Variants in CTDSPL2 observed in about 807,000 individuals in gnomAD.
CTDSPL2 encodes CTD small phosphatase like 2.
In CTDSPL2, 5 loss-of-function variants were observed where a neutral mutation model predicts 60.0. The ratio of observed to expected loss-of-function variants is 0.08; its 90% CI spans 0.04 to 0.18. The LOEUF is 0.18. CTDSPL2 is among the 10% of genes least tolerant of loss of function. CTDSPL2 has a pLI of 1.00. For synonymous variants in CTDSPL2, 186 were observed against 189.3 expected (o/e 0.98, Z 0.14); for missense variants, 370 against 548.8 (o/e 0.67, Z 3.26).
intron 7 of CTDSPL2, among the ~76,000 whole-genome samples, chr15:44,498,344 T>G (rs959153457): frequency 2.0e-5 from 3 of 151,794 alleles, no homozygotes; most frequent in Non-Finnish European, 4.4e-5. Flanking sequence ...CAGTGGCTCA[T>G]GCCTGTAATT....
chr15:44,502,695 A>G (rs2081399681), intron 8 of CTDSPL2, among the ~76,000 whole-genome samples: 1 of 152,256 alleles, frequency 6.6e-6, no homozygotes, highest in South Asian at 2.1e-4. Context: ...GAGTATATAC[A>G]GTAAATTTAC....
At chr15:44,451,711 A>T (rs971455099) in intron 1 of CTDSPL2, among the ~76,000 whole-genome samples, 1 of 152,190 alleles carries the variant, frequency 6.6e-6, no homozygotes, top group African/African-American at 2.4e-5. Flanking sequence ...TTCTCCCGTC[A>T]AAAGTTGTTG....
At chr15:44,472,708 C>G (rs184651384) in intron 2 of CTDSPL2, among the ~76,000 whole-genome samples, 1 of 152,064 alleles carries the variant, frequency 6.6e-6, no homozygotes, top group Non-Finnish European at 1.5e-5. Flanking sequence ...CTTTGTCACC[C>G]GCTGGAGTGC....
At chr15:44,516,577 A>AT (rs1191234404) in intron 10 of CTDSPL2, 1 of 152,176 alleles carries the variant, frequency 6.6e-6, no homozygotes, top group African/African-American at 2.4e-5. Flanking sequence ...ATACCCAGTG[A>AT]TTTTGTTTTG....
intron 1 of CTDSPL2, among the ~76,000 whole-genome samples, chr15:44,445,966 C>T (rs965914137): frequency 1.9e-4 from 28 of 144,670 alleles, no homozygotes; most frequent in Admixed American, 1.3e-3. Context: ...CGCTTTGTCA[C>T]CCAGACTGGA....
At chr15:44,455,943 G>C (rs2140682967) in intron 1 of CTDSPL2, among the ~76,000 whole-genome samples, 1 of 146,550 alleles carries the variant, frequency 6.8e-6, no homozygotes, top group Non-Finnish European at 1.5e-5. Context: ...TCCGCCCCCT[G>C]GGGTTCACGC....
chr15:44,507,015 C>T (rs1018750782), intron 8 of CTDSPL2, among the ~76,000 whole-genome samples: 2 of 149,606 alleles, frequency 1.3e-5, no homozygotes, highest in African/African-American at 4.9e-5. Flanking sequence ...GATCCGCCCA[C>T]CTCGGCCTCC....
intron 1 of CTDSPL2, among the ~76,000 whole-genome samples, chr15:44,453,893 C>T (rs1175766904): frequency 1.3e-5 from 2 of 152,128 alleles, no homozygotes; most frequent in Admixed American, 6.5e-5. Context: ...CATACGTGTG[C>T]ATGTGTCTTT....
chr15:44,446,755 T>TC (rs2080225315), intron 1 of CTDSPL2, among the ~76,000 whole-genome samples: 1 of 228 alleles, frequency 4.4e-3, no homozygotes, highest in Non-Finnish European at 0.036. Flanking sequence ...CTTGGGGAAC[T>TC]TTTTTTTTTT....
At chr15:44,462,369 T>TG (rs1371217340) in intron 2 of CTDSPL2, among the ~76,000 whole-genome samples, 1 of 152,168 alleles carries the variant, frequency 6.6e-6, no homozygotes, top group African/African-American at 2.4e-5. Flanking sequence ...AGCAGCTGAT[T>TG]TCAGGGAAGA....
chr15:44,486,187 G>A (rs1054891308), intron 3 of CTDSPL2, among the ~76,000 whole-genome samples: 24 of 152,164 alleles, frequency 1.6e-4, no homozygotes, highest in African/African-American at 4.6e-4. Flanking sequence ...GTCCTAGAAT[G>A]TAAACAAAAA....
intron 4 of CTDSPL2, among the ~76,000 whole-genome samples, chr15:44,488,301 T>C (rs1455163951): frequency 6.6e-6 from 1 of 152,124 alleles, no homozygotes; most frequent in Non-Finnish European, 1.5e-5. Flanking sequence ...TGTAGTCGTT[T>C]GTGTGAGACT....
chr15:44,484,397 G>A, intron 3 of CTDSPL2, 35 bp downstream of exon 3: 8 of 1,586,140 alleles, frequency 5.0e-6, no homozygotes, highest in Non-Finnish European at 6.0e-6. Flanking sequence ...TTATTTAGGT[G>A]TAAGCAGAGA....
intron 2 of CTDSPL2, among the ~76,000 whole-genome samples, chr15:44,467,637 G>A (rs1457395595): frequency 2.8e-4 from 43 of 151,926 alleles, no homozygotes; most frequent in Non-Finnish European, 1.0e-4. Context: ...ACAGTGGTGC[G>A]ATCTCAGCTC....
At chr15:44,434,655 C>G (rs1375316159) in intron 1 of CTDSPL2, among the ~76,000 whole-genome samples, 1 of 152,124 alleles carries the variant, frequency 6.6e-6, no homozygotes, top group Non-Finnish European at 1.5e-5. Context: ...GTGGGCCTTC[C>G]AAAGTGCTGA....
intron 12 of CTDSPL2, among the ~76,000 whole-genome samples, chr15:44,523,390 ACAT>A (rs1374149299): frequency 6.7e-5 from 1 of 14,888 alleles, no homozygotes; most frequent in Non-Finnish European, 1.8e-4. Flanking sequence ...CCTCATCTCT[ACAT>A]ACATACATAC....
At chr15:44,448,672 C>T (rs2080270600) in intron 1 of CTDSPL2, 2 of 330,874 alleles carry the variant, frequency 6.0e-6, no homozygotes, top group South Asian at 2.8e-5. Flanking sequence ...TCCATGCCCT[C>T]CATTCTAATT....
intron 2 of CTDSPL2, among the ~76,000 whole-genome samples, chr15:44,478,019 A>G (rs2080953401): frequency 6.6e-6 from 1 of 152,156 alleles, no homozygotes; most frequent in Non-Finnish European, 1.5e-5. Flanking sequence ...TTTTGAGCAC[A>G]TACTCATTAC....
intron 2 of CTDSPL2, among the ~76,000 whole-genome samples, chr15:44,475,519 A>G (rs2140754741): frequency 6.6e-6 from 1 of 152,100 alleles, no homozygotes; most frequent in South Asian, 2.1e-4. Context: ...GGCACCTGTA[A>G]TCCCAGCTAC....
Sources: allele counts gnomAD v4.1 joint callset (sites outside exome capture counted in the v4.1 genomes callset), GRCh38; gene constraint gnomAD v4.1.1; transcripts MANE v1.5; gene names NCBI Gene and HGNC (gene_info 2026-07-23, HGNC 2026-07-21).